Variants in DRC11 observed in about 807,000 individuals in gnomAD.
The protein encoded by DRC11 is IQ and AAA domain-containing protein 1.
the DRC11 span, among the ~76,000 whole-genome samples, chr2:236,361,519 A>C: frequency 6.6e-6 from 1 of 152,220 alleles, no homozygotes; most frequent in Non-Finnish European, 1.5e-5. This position sits in a 1 kb window ranked among gnomAD's most constrained non-coding sequence, Gnocchi z 5.7. Context: ...AAAATGTATA[A>C]TAAGAAAATG....
At chr2:236,358,432 CAT>C in the DRC11 span, among the ~76,000 whole-genome samples, 1 of 136,444 alleles carries the variant, frequency 7.3e-6, no homozygotes, top group African/African-American at 2.7e-5. Context: ...GAATATATAT[CAT>C]ATATAAATAT....
chr2:236,424,891 T>A, the DRC11 span, among the ~76,000 whole-genome samples: 5 of 151,950 alleles, frequency 3.3e-5, no homozygotes, highest in African/African-American at 1.2e-4. Flanking sequence ...TAGATTTTAT[T>A]TATAAGTGAG....
chr2:236,310,227 GGAGA>G, the DRC11 span, among the ~76,000 whole-genome samples: 3 of 152,160 alleles, frequency 2.0e-5, no homozygotes, highest in East Asian at 5.8e-4. This position sits in a 1 kb window ranked among gnomAD's most constrained non-coding sequence, Gnocchi z 5.5. Flanking sequence ...CCTGGGCCCA[GGAGA>G]AAAGGCAGGA....
the DRC11 span, chr2:236,332,443 C>T: frequency 4.6e-5 from 7 of 152,284 alleles, no homozygotes; most frequent in South Asian, 4.1e-4. The surrounding 1 kb of genome is among the most constrained non-coding windows in gnomAD (Gnocchi z 5.1). Context: ...TTAATTATAT[C>T]GAGACGGTGG....
At chr2:236,356,511 T>TG in the DRC11 span, among the ~76,000 whole-genome samples, 1 of 152,224 alleles carries the variant, frequency 6.6e-6, no homozygotes, top group African/African-American at 2.4e-5. Context: ...GCGACGGTCT[T>TG]GGGGCCTGAC....
chr2:236,459,526 CAT>C, the DRC11 span, among the ~76,000 whole-genome samples: 3,348 of 76,070 alleles, frequency 0.044, 79 homozygotes, highest in Non-Finnish European at 0.058. Flanking sequence ...TACATGTATA[CAT>C]GTATACGTAT....
the DRC11 span, among the ~76,000 whole-genome samples, chr2:236,448,736 A>G: frequency 0.023 from 3,475 of 152,326 alleles, 128 homozygotes; most frequent in African/African-American, 0.078. The surrounding 1 kb of genome is among the most constrained non-coding windows in gnomAD (Gnocchi z 5.3). Flanking sequence ...GCTGTAAGGC[A>G]GCGGGACAAG....
the DRC11 span, among the ~76,000 whole-genome samples, chr2:236,387,790 G>C: frequency 1.3e-5 from 2 of 152,130 alleles, no homozygotes; most frequent in African/African-American, 2.4e-5. Context: ...TGATTTTGCA[G>C]TGGCTGGTAC....
the DRC11 span, among the ~76,000 whole-genome samples, chr2:236,362,547 T>TA: frequency 3.0e-4 from 46 of 152,284 alleles, no homozygotes; most frequent in Non-Finnish European, 5.7e-4. The surrounding 1 kb of genome is among the most constrained non-coding windows in gnomAD (Gnocchi z 5.7). Flanking sequence ...CCATACAAAA[T>TA]ACGTGTTATT....
chr2:236,341,888 G>A, the DRC11 span, among the ~76,000 whole-genome samples: 143 of 152,278 alleles, frequency 9.4e-4, no homozygotes, highest in Admixed American at 2.6e-3. Flanking sequence ...CAGGGTTGCC[G>A]GGAGTTTCCC....
chr2:236,378,859 T>C, the DRC11 span, among the ~76,000 whole-genome samples: 1 of 152,070 alleles, frequency 6.6e-6, no homozygotes, highest in Non-Finnish European at 1.5e-5. Flanking sequence ...CTCAAAACGC[T>C]GACCAGCTGC....
chr2:236,337,110 G>A, the DRC11 span, among the ~76,000 whole-genome samples: 2 of 152,122 alleles, frequency 1.3e-5, no homozygotes, highest in Admixed American at 6.6e-5. The surrounding 1 kb of genome is among the most constrained non-coding windows in gnomAD (Gnocchi z 4.9). Context: ...AGTCACATGC[G>A]CGAGCGATCC....
the DRC11 span, among the ~76,000 whole-genome samples, chr2:236,361,123 A>G: frequency 6.6e-6 from 1 of 152,208 alleles, no homozygotes; most frequent in African/African-American, 2.4e-5. This position sits in a 1 kb window ranked among gnomAD's most constrained non-coding sequence, Gnocchi z 5.7. Context: ...AAGTTCAAAG[A>G]CTTGAAGGAA....
chr2:236,449,480 C>T, the DRC11 span, among the ~76,000 whole-genome samples: 3,483 of 152,252 alleles, frequency 0.023, 129 homozygotes, highest in African/African-American at 0.079. The surrounding 1 kb of genome is among the most constrained non-coding windows in gnomAD (Gnocchi z 5.1). Context: ...ATTTCCTTAT[C>T]GTACCTGGAA....
chr2:236,411,561 A>T, the DRC11 span, among the ~76,000 whole-genome samples: 2 of 151,790 alleles, frequency 1.3e-5, no homozygotes, highest in African/African-American at 4.9e-5. Context: ...TACCCAAAGG[A>T]TTATAAATCA....
the DRC11 span, among the ~76,000 whole-genome samples, chr2:236,429,000 T>C: frequency 6.6e-6 from 1 of 152,340 alleles, no homozygotes; most frequent in African/African-American, 2.4e-5. Flanking sequence ...TGATTCTTCA[T>C]ATAGTCTTAT....
chr2:236,331,312 T>G, the DRC11 span: 6 of 1,298,820 alleles, frequency 4.6e-6, no homozygotes, highest in African/African-American at 1.5e-5. This position sits in a 1 kb window ranked among gnomAD's most constrained non-coding sequence, Gnocchi z 4.8. Context: ...GGAGGCAGCG[T>G]GAGGAGTGTC....
chr2:236,472,859 G>A, the DRC11 span, among the ~76,000 whole-genome samples: 3 of 152,220 alleles, frequency 2.0e-5, no homozygotes, highest in Non-Finnish European at 2.9e-5. The surrounding 1 kb of genome is among the most constrained non-coding windows in gnomAD (Gnocchi z 4.6). Flanking sequence ...CCTGGGAAGC[G>A]CACACTCCCA....
chr2:236,431,722 C>T, the DRC11 span, among the ~76,000 whole-genome samples: 35 of 152,272 alleles, frequency 2.3e-4, no homozygotes, highest in African/African-American at 7.9e-4. The surrounding 1 kb of genome is among the most constrained non-coding windows in gnomAD (Gnocchi z 4.2). Context: ...TATGGCATAA[C>T]ACTTTAAGTT....
Sources: gnomAD v4.1 joint callset for allele counts (sites outside exome capture counted in the v4.1 genomes callset) on GRCh38, gnomAD v4.1.1 for gene constraint, Gnocchi (gnomAD v3.1) non-coding constraint, MANE v1.5 for transcripts, NCBI Gene and HGNC (gene_info 2026-07-23, HGNC 2026-07-21) for gene names.